Variants in AGBL1 observed in about 807,000 individuals in gnomAD.
The protein encoded by AGBL1 is AGBL carboxypeptidase 1.
Under a neutral mutation model 118.9 loss-of-function variants are expected in AGBL1, and 130 were observed. The ratio of observed to expected loss-of-function variants is 1.09; its 90% CI spans 0.95 to 1.26. The LOEUF (loss-of-function observed/expected upper bound fraction) is 1.26, where lower values mean the gene tolerates loss of function less well. Ranked by LOEUF, AGBL1 falls within the 50% of genes most tolerant of loss-of-function variation. The pLI is 0.00. For missense variants in AGBL1, 1,584 were observed against 1,298.1 expected (o/e 1.22, Z -3.38); for synonymous variants, 555 against 478.9 (o/e 1.16, Z -2.08).
intron 21 of AGBL1, among the ~76,000 whole-genome samples, chr15:86,560,192 C>A (rs1205353970): frequency 1.3e-5 from 2 of 151,570 alleles, no homozygotes; most frequent in Non-Finnish European, 2.9e-5. Flanking sequence ...GCACAACAGG[C>A]AGGTTTGTTA....
intron 16 of AGBL1, among the ~76,000 whole-genome samples, chr15:86,289,633 T>C (rs563217877): frequency 6.6e-6 from 1 of 152,276 alleles, no homozygotes; most frequent in South Asian, 2.1e-4. Flanking sequence ...ATTTCCTCCA[T>C]TCCTTGGCTC....
intron 5 of AGBL1, among the ~76,000 whole-genome samples, chr15:86,194,405 TC>T (rs2077768218): frequency 6.6e-6 from 1 of 152,364 alleles, no homozygotes; most frequent in South Asian, 2.1e-4. Context: ...GGATCTTTTC[TC>T]CCATGTCTGT....
chr15:86,970,531 T>A (rs751319172), intron 23 of AGBL1, among the ~76,000 whole-genome samples: 1 of 151,970 alleles, frequency 6.6e-6, no homozygotes, highest in African/African-American at 2.4e-5. Context: ...AAAGTCATAG[T>A]GGTGGAGCAA....
chr15:86,246,109 T>C (rs2078716224), intron 6 of AGBL1, among the ~76,000 whole-genome samples: 1 of 152,198 alleles, frequency 6.6e-6, no homozygotes, highest in South Asian at 2.1e-4. Flanking sequence ...GTCTCCAAAC[T>C]CCTGGCCTCA....
chr15:86,257,054 GTTTTTGCA>G (rs767546959), intron 8 of AGBL1, 36 bp downstream of exon 8: 17 of 1,584,768 alleles, frequency 1.1e-5, no homozygotes, highest in Non-Finnish European at 1.5e-5. Flanking sequence ...TTTAAGATGA[GTTTTTGCA>G]TTTTGACCAT....
chr15:86,311,666 G>A (rs1357203816), intron 17 of AGBL1, among the ~76,000 whole-genome samples: 1 of 151,372 alleles, frequency 6.6e-6, no homozygotes, highest in Non-Finnish European at 1.5e-5. Flanking sequence ...TATTTTTTCC[G>A]CTTGTAAGAT....
At chr15:86,131,023 G>A (rs1229629098) in intron 1 of AGBL1, among the ~76,000 whole-genome samples, 1 of 152,158 alleles carries the variant, frequency 6.6e-6, no homozygotes, top group Non-Finnish European at 1.5e-5. Context: ...GAGCTTAATT[G>A]ACTGTCTACT....
intron 22 of AGBL1, among the ~76,000 whole-genome samples, chr15:86,803,708 C>T (rs1023744057): frequency 1.8e-4 from 28 of 152,024 alleles, no homozygotes; most frequent in African/African-American, 6.8e-4. Context: ...TCCTAAAAGT[C>T]TTGAAGGAAA....
At chr15:86,635,642 G>A (rs1051564252) in intron 21 of AGBL1, among the ~76,000 whole-genome samples, 1 of 151,900 alleles carries the variant, frequency 6.6e-6, no homozygotes, top group Non-Finnish European at 1.5e-5. Context: ...AGTAAATACA[G>A]CTTTTGTGGG....
At chr15:86,322,394 A>T (rs895819547) in intron 17 of AGBL1, among the ~76,000 whole-genome samples, 1 of 152,142 alleles carries the variant, frequency 6.6e-6, no homozygotes, top group Non-Finnish European at 1.5e-5. Flanking sequence ...AACATTGATC[A>T]TTATGTAGTG....
At chr15:86,581,322 C>T (rs899483340) in intron 21 of AGBL1, among the ~76,000 whole-genome samples, 5 of 152,196 alleles carry the variant, frequency 3.3e-5, no homozygotes, top group Middle Eastern at 3.4e-3. Flanking sequence ...CAAGATTTGT[C>T]ATCTCTTGAT....
At chr15:86,525,112 C>G (rs1307862438) in intron 19 of AGBL1, among the ~76,000 whole-genome samples, 1 of 151,682 alleles carries the variant, frequency 6.6e-6, no homozygotes, top group Non-Finnish European at 1.5e-5. Context: ...CAATAACAAC[C>G]AGCTGAGAAT....
intron 22 of AGBL1, among the ~76,000 whole-genome samples, chr15:86,688,747 A>G (rs1311286648): frequency 6.6e-6 from 1 of 152,154 alleles, no homozygotes; most frequent in Admixed American, 6.5e-5. Flanking sequence ...ACATATTTGA[A>G]ATACTAATTG....
chr15:86,511,472 A>G (rs1275827607), intron 18 of AGBL1, among the ~76,000 whole-genome samples: 2 of 152,022 alleles, frequency 1.3e-5, no homozygotes, highest in African/African-American at 4.8e-5. Flanking sequence ...TTAGATGGTT[A>G]GGACATTTGT....
At chr15:86,935,992 G>T (rs969193620) in intron 23 of AGBL1, among the ~76,000 whole-genome samples, 2 of 152,218 alleles carry the variant, frequency 1.3e-5, no homozygotes, top group Non-Finnish European at 2.9e-5. Context: ...GACTTGTCCT[G>T]TCCTCGGCTG....
intron 22 of AGBL1, among the ~76,000 whole-genome samples, chr15:86,756,129 T>C (rs150253682): frequency 1.3e-4 from 20 of 152,038 alleles, no homozygotes; most frequent in Middle Eastern, 3.4e-3. Context: ...GAGGGAAGAA[T>C]GGGTAATATT....
At chr15:86,836,797 T>C (rs1391290427) in intron 22 of AGBL1, among the ~76,000 whole-genome samples, 1 of 152,176 alleles carries the variant, frequency 6.6e-6, no homozygotes, top group East Asian at 1.9e-4. Context: ...AGGGTTCAGC[T>C]GAAAGAATCC....
At chr15:86,989,310 G>T (rs1225658745) in intron 24 of AGBL1, among the ~76,000 whole-genome samples, 2 of 151,942 alleles carry the variant, frequency 1.3e-5, no homozygotes, top group Non-Finnish European at 2.9e-5. Flanking sequence ...CCTCATTTGT[G>T]ATTTTTAAAT....
At chr15:86,978,528 A>G (rs549531397) in intron 23 of AGBL1, among the ~76,000 whole-genome samples, 69 of 152,344 alleles carry the variant, frequency 4.5e-4, no homozygotes, top group African/African-American at 1.6e-3. Context: ...TAAAACAAGT[A>G]GTGCTCCTTA....
Sources: allele counts gnomAD v4.1 joint callset (sites outside exome capture counted in the v4.1 genomes callset), GRCh38; gene constraint gnomAD v4.1.1; transcripts MANE v1.5; gene names NCBI Gene and HGNC (gene_info 2026-07-23, HGNC 2026-07-21).